SPMIP6: variants seen among roughly 807,000 people sequenced by gnomAD.
The protein encoded by SPMIP6 is sperm microtubule inner protein 6.
At chr9:34,393,986 G>A in the SPMIP6 span, among the ~76,000 whole-genome samples, 9 of 148,870 alleles carry the variant, frequency 6.0e-5, no homozygotes, top group Non-Finnish European at 7.5e-5. Flanking sequence ...TAATGATTTC[G>A]TATTTTTATT....
the SPMIP6 span, among the ~76,000 whole-genome samples, chr9:34,386,847 T>G: frequency 6.6e-6 from 1 of 152,150 alleles, no homozygotes; most frequent in Non-Finnish European, 1.5e-5. Flanking sequence ...GGCCCCTTTT[T>G]CCTCAGCTGA....
chr9:34,397,139 A>G, the SPMIP6 span, among the ~76,000 whole-genome samples: 1 of 152,070 alleles, frequency 6.6e-6, no homozygotes, highest in Admixed American at 6.5e-5. Flanking sequence ...GGCTAGTTCT[A>G]TCTCATCTTT....
chr9:34,385,793 G>A, the SPMIP6 span: 2 of 1,611,206 alleles, frequency 1.2e-6, no homozygotes, highest in Admixed American at 1.7e-5. Context: ...TGGGCAAGGG[G>A]AGAGGAGAGA....
the SPMIP6 span, among the ~76,000 whole-genome samples, chr9:34,391,787 T>C: frequency 8.5e-5 from 13 of 152,278 alleles, no homozygotes; most frequent in Admixed American, 3.3e-4. Context: ...TAGTACTTGG[T>C]CCACTTTTAT....
chr9:34,379,524 GT>G, the SPMIP6 span: 1 of 866,738 alleles, frequency 1.2e-6, no homozygotes, highest in Non-Finnish European at 1.9e-6. The surrounding 1 kb of genome is among the most constrained non-coding windows in gnomAD (Gnocchi z 4.2). Flanking sequence ...CCCCCTCGTG[GT>G]ATGTGCCTGT....
At chr9:34,379,871 TCA>T in the SPMIP6 span, 1 of 643,102 alleles carries the variant, frequency 1.6e-6, no homozygotes, top group Non-Finnish European at 2.8e-6. This position sits in a 1 kb window ranked among gnomAD's most constrained non-coding sequence, Gnocchi z 4.2. Flanking sequence ...TCCTCACCCT[TCA>T]AAACCCCCAC....
chr9:34,393,189 A>G, the SPMIP6 span, among the ~76,000 whole-genome samples: 2 of 152,254 alleles, frequency 1.3e-5, no homozygotes, highest in Non-Finnish European at 2.9e-5. Flanking sequence ...AGGAACACCT[A>G]ACTCTGTCCT....
chr9:34,389,712 T>C, the SPMIP6 span, among the ~76,000 whole-genome samples: 10 of 152,238 alleles, frequency 6.6e-5, no homozygotes, highest in African/African-American at 1.9e-4. Flanking sequence ...GAGCATGTTA[T>C]ATCTCTCCAT....
chr9:34,381,824 C>T, the SPMIP6 span: 7 of 964,476 alleles, frequency 7.3e-6, no homozygotes, highest in Middle Eastern at 5.3e-4. This position sits in a 1 kb window ranked among gnomAD's most constrained non-coding sequence, Gnocchi z 4.4. Flanking sequence ...AGATTCGATT[C>T]TTGAGGAAGT....
At chr9:34,380,641 T>A in the SPMIP6 span, 1 of 1,524,510 alleles carries the variant, frequency 6.6e-7, no homozygotes, top group Non-Finnish European at 8.8e-7. Context: ...AGAGGCCAGG[T>A]TGACCTTGAG....
the SPMIP6 span, among the ~76,000 whole-genome samples, chr9:34,396,462 A>G: frequency 6.6e-6 from 1 of 152,058 alleles, no homozygotes; most frequent in Admixed American, 6.5e-5. Flanking sequence ...CAATTCCCTG[A>G]CACTGTGGCC....
chr9:34,387,667 G>C, the SPMIP6 span, among the ~76,000 whole-genome samples: 1 of 152,132 alleles, frequency 6.6e-6, no homozygotes, highest in African/African-American at 2.4e-5. Context: ...CATAGACATC[G>C]TCAATTTTTC....
chr9:34,389,137 G>C, the SPMIP6 span, among the ~76,000 whole-genome samples: 4 of 151,864 alleles, frequency 2.6e-5, no homozygotes, highest in African/African-American at 9.7e-5. Flanking sequence ...ATGTTTCCCT[G>C]TGTTTCCCAG....
the SPMIP6 span, chr9:34,380,918 C>G: frequency 6.3e-7 from 1 of 1,592,704 alleles, no homozygotes; most frequent in Non-Finnish European, 8.5e-7. Flanking sequence ...TTGCTCCCGG[C>G]ACCAAGGCCG....
the SPMIP6 span, among the ~76,000 whole-genome samples, chr9:34,391,995 AT>A: frequency 6.6e-6 from 1 of 152,092 alleles, no homozygotes; most frequent in Non-Finnish European, 1.5e-5. Context: ...CCATCTGGTA[AT>A]TCTTTATTTT....
chr9:34,383,013 C>G, the SPMIP6 span: 1 of 657,330 alleles, frequency 1.5e-6, no homozygotes, highest in Non-Finnish European at 2.8e-6. Context: ...CCAAGCCCAG[C>G]CGGGCCTACA....
At chr9:34,395,876 A>G in the SPMIP6 span, among the ~76,000 whole-genome samples, 1 of 152,168 alleles carries the variant, frequency 6.6e-6, no homozygotes, top group Non-Finnish European at 1.5e-5. Context: ...ATTCCCTTCT[A>G]TTGAGTATGG....
the SPMIP6 span, chr9:34,385,537 A>AG: frequency 3.3e-5 from 12 of 361,234 alleles, no homozygotes; most frequent in African/African-American, 1.8e-4. Flanking sequence ...CTCCGTCTCA[A>AG]AAAAAAAAAA....
At chr9:34,388,307 A>ATTTTTTTTTTTT in the SPMIP6 span, among the ~76,000 whole-genome samples, 1 of 133,792 alleles carries the variant, frequency 7.5e-6, no homozygotes, top group Non-Finnish European at 1.6e-5. Flanking sequence ...CTCCCAGCTA[A>ATTTTTTTTTTTT]TTTTTTTTTT....
Sources: gnomAD v4.1 joint callset for allele counts (sites outside exome capture counted in the v4.1 genomes callset) on GRCh38, gnomAD v4.1.1 for gene constraint, Gnocchi (gnomAD v3.1) non-coding constraint, MANE v1.5 for transcripts, NCBI Gene and HGNC (gene_info 2026-07-23, HGNC 2026-07-21) for gene names.